DYM: variants seen among roughly 807,000 people sequenced by gnomAD.
DYM encodes the protein dymeclin.
Under a neutral mutation model 93.1 loss-of-function variants are expected in DYM, and 78 were observed. The ratio of observed to expected loss-of-function variants is 0.84; its 90% CI spans 0.70 to 1.01. The LOEUF (loss-of-function observed/expected upper bound fraction) is 1.01. Among genes scored for constraint, DYM ranks in the 50% least tolerant of loss-of-function variants. The probability of loss-of-function intolerance (pLI) is 0.00; values close to 1 mark genes in which losing one functional copy is unlikely to be tolerated. For synonymous variants in DYM, 321 were observed against 319.7 expected (o/e 1.00, Z -0.04); for missense variants, 789 against 845.0 (o/e 0.93, Z 0.82).
In DYM at chr18:49,156,052, C is replaced by T. The variant is rs1402918454; in HGVS notation, c.1728+7633G>A. ...TAATTTCTCCACATCTTCACCAACA[C>T]TTGTTATTATCTGCCTTTTTATTCT... On this transcript the variant is annotated intron_variant, in intron 15 of 17. Transcript: ENST00000675505. Among the ~76,000 whole-genome samples the T allele has an allele frequency of 2.0e-5, 3 of 152,208 alleles. No individual in the cohort carries two copies. In the East Asian group the frequency reaches 5.8e-4, roughly 29 times the overall value.
intron 13 of DYM, among the ~76,000 whole-genome samples, chr18:49,229,643 T>C (rs1052066482): frequency 4.6e-5 from 7 of 152,136 alleles, no homozygotes; most frequent in Non-Finnish European, 5.9e-5. Flanking sequence ...GTGGAGCAAC[T>C]AGAACTGTCA....
chr18:49,381,274 T>TA (rs2068021797), intron 3 of DYM, among the ~76,000 whole-genome samples: 1 of 152,182 alleles, frequency 6.6e-6, no homozygotes, highest in Non-Finnish European at 1.5e-5. Flanking sequence ...AATATTTTTT[T>TA]AAAATTCAGG....
chr18:49,404,679 A>G (rs1348465880), intron 2 of DYM, among the ~76,000 whole-genome samples: 1 of 152,186 alleles, frequency 6.6e-6, no homozygotes, highest in Non-Finnish European at 1.5e-5. Flanking sequence ...AATGATGTGG[A>G]GCACTTTTTC....
At chr18:49,185,557 TCAC>T in intron 14 of DYM, among the ~76,000 whole-genome samples, 1 of 152,336 alleles carries the variant, frequency 6.6e-6, no homozygotes, top group Middle Eastern at 3.4e-3. Context: ...GGCAGAAAGC[TCAC>T]AACAACATCA....
intron 17 of DYM, among the ~76,000 whole-genome samples, chr18:49,044,500 T>C (rs1028035969): frequency 6.6e-6 from 1 of 152,228 alleles, no homozygotes. Context: ...ATGAGAAATA[T>C]CCTAGCTGAG....
Position 49,145,927 on chromosome 18 carries a change from T to C in DYM, c.1728+17758A>G, listed in dbSNP as rs563429525. On this transcript the variant is annotated intron_variant, in intron 15 of 17. Transcript: ENST00000675505. ...TTTTTTTGGTATTTAGGAAGGTTTA[T>C]ATATTTGTTCTAATAGTTCCCTTTA... 4.6e-5 allele frequency among the ~76,000 whole-genome samples: 7 copies of C among 152,296 alleles called. No homozygotes were observed. In the East Asian group the frequency reaches 7.7e-4, roughly 17 times the overall value.
chr18:49,241,751 GT>G (rs1306680494), intron 13 of DYM, among the ~76,000 whole-genome samples: 1 of 152,182 alleles, frequency 6.6e-6, no homozygotes, highest in Non-Finnish European at 1.5e-5. Context: ...AAATGAAATA[GT>G]TTGTCAAGAA....
At chr18:49,337,824 T>C (rs895576176) in intron 6 of DYM, among the ~76,000 whole-genome samples, 1 of 152,074 alleles carries the variant, frequency 6.6e-6, no homozygotes. Flanking sequence ...TTCACAAAGA[T>C]GATGATATTT....
chr18:49,090,385 A>G (rs536974542), intron 17 of DYM, among the ~76,000 whole-genome samples: 12 of 152,358 alleles, frequency 7.9e-5, no homozygotes, highest in African/African-American at 2.6e-4. Flanking sequence ...AAAGGTAACA[A>G]TATTTCAGGA....
intron 17 of DYM, among the ~76,000 whole-genome samples, chr18:49,095,640 T>C (rs1356525559): frequency 1.3e-5 from 2 of 152,146 alleles, no homozygotes; most frequent in South Asian, 2.1e-4. Context: ...CAGAGTCAAC[T>C]TGCCTGGGAC....
chr18:49,430,886 A>G (rs1208105580), intron 1 of DYM, among the ~76,000 whole-genome samples: 1 of 147,622 alleles, frequency 6.8e-6, no homozygotes, highest in Non-Finnish European at 1.5e-5. Context: ...TCCATCTCAA[A>G]AAAAAAAAAA....
intron 17 of DYM, among the ~76,000 whole-genome samples, chr18:49,062,039 A>T (rs182830772): frequency 7.2e-5 from 11 of 152,122 alleles, no homozygotes; most frequent in African/African-American, 2.7e-4. Context: ...TGGTGCCTGG[A>T]TGTTCAGTTT....
chr18:49,402,042 G>A (rs61025258), intron 2 of DYM, among the ~76,000 whole-genome samples: 58 of 146,758 alleles, frequency 4.0e-4, no homozygotes, highest in African/African-American at 9.3e-4. Flanking sequence ...AAAAAAAAAA[G>A]AAAAAAGAAA....
chr18:49,119,207 A>G (rs769398699), intron 15 of DYM, among the ~76,000 whole-genome samples: 4 of 152,234 alleles, frequency 2.6e-5, no homozygotes, highest in Non-Finnish European at 5.9e-5. Context: ...GAGCTTACTC[A>G]GCTCCTCATT....
chr18:49,419,848 T>C (rs2073440902), intron 2 of DYM, among the ~76,000 whole-genome samples: 2 of 152,260 alleles, frequency 1.3e-5, no homozygotes, highest in South Asian at 4.1e-4. Context: ...AATAGCTTTA[T>C]AAATTACTTT....
At chr18:49,446,282 G>A (rs2082087753) in intron 1 of DYM, among the ~76,000 whole-genome samples, 1 of 152,120 alleles carries the variant, frequency 6.6e-6, no homozygotes, top group Admixed American at 6.5e-5. Context: ...GAGAGAGAGA[G>A]ACAGAGTTCT....
chr18:49,221,130 A>G (rs1255497274), intron 13 of DYM, among the ~76,000 whole-genome samples: 1 of 152,232 alleles, frequency 6.6e-6, no homozygotes, highest in Non-Finnish European at 1.5e-5. Context: ...GAAGACATTT[A>G]TGCAGCCAAA....
intron 8 of DYM, among the ~76,000 whole-genome samples, chr18:49,316,832 TG>T (rs1336775999): frequency 1.4e-4 from 21 of 152,320 alleles, no homozygotes; most frequent in African/African-American, 5.1e-4. Flanking sequence ...CTCTTCAGAC[TG>T]GCTTCCTTCC....
intron 2 of DYM, among the ~76,000 whole-genome samples, chr18:49,396,757 T>A (rs1297158645): frequency 6.6e-6 from 1 of 152,076 alleles, no homozygotes; most frequent in African/African-American, 2.4e-5. Context: ...ATAAATGAAA[T>A]CCCGTCATTT....
Sources: gnomAD v4.1 joint callset for allele counts (sites outside exome capture counted in the v4.1 genomes callset) on GRCh38, gnomAD v4.1.1 for gene constraint, MANE v1.5 for transcripts, NCBI Gene and HGNC (gene_info 2026-07-23, HGNC 2026-07-21) for gene names.